RCC1: variants seen among roughly 807,000 people sequenced by gnomAD.
The protein encoded by RCC1 is regulator of chromosome condensation 1, also known as regulator of chromosome condensation.
RCC1 carries 11 observed loss-of-function variants against 44.4 expected under a neutral mutation model. That is an observed-to-expected ratio of 0.25 (90% CI 0.16 to 0.41). The LOEUF is 0.41. RCC1 is among the 10% of genes least tolerant of loss of function. The probability of loss-of-function intolerance (pLI) is 1.00; values close to 1 mark genes in which losing one functional copy is unlikely to be tolerated. For missense variants in RCC1, 386 were observed against 547.1 expected (o/e 0.71, Z 2.94); for synonymous variants, 213 against 216.5 (o/e 0.98, Z 0.14).
intron 4 of RCC1, among the ~76,000 whole-genome samples, chr1:28,529,395 G>A (rs913040467): frequency 2.0e-5 from 3 of 152,046 alleles, no homozygotes; most frequent in African/African-American, 7.2e-5. Flanking sequence ...TGTTGGCCAG[G>A]CTGGTTTGGA....
intron 3 of RCC1, among the ~76,000 whole-genome samples, chr1:28,515,317 G>A (rs941506296): frequency 3.9e-5 from 6 of 151,948 alleles, no homozygotes; most frequent in Non-Finnish European, 8.8e-5. Flanking sequence ...GGGCATGGTG[G>A]TGCACATCTG....
At chr1:28,524,338 T>G (rs1045403032) in intron 4 of RCC1, among the ~76,000 whole-genome samples, 31 of 152,224 alleles carry the variant, frequency 2.0e-4, no homozygotes, top group Middle Eastern at 3.2e-3. Context: ...GTCTTTGTGT[T>G]TGGCCAAGCT....
rs1296971501 is a variant in RCC1, at chr1:28,511,890, C to A, written c.-153+2985C>A. On this transcript the variant is annotated intron_variant, in intron 3 of 12. Transcript: ENST00000683442. Reference sequence around the variant, plus strand: ...TGTTAGCCAGGCTGGTCTCGAACTCCTGACCTCAAGTGATCCACCTGCCTC... The same window carrying A: ...TGTTAGCCAGGCTGGTCTCGAACTCATGACCTCAAGTGATCCACCTGCCTC... Among the ~76,000 whole-genome samples, 47 of 151,896 alleles carry A rather than the reference C, an allele frequency of 3.1e-4. 1 individual carries two copies. Among genetic ancestry groups the A allele is most frequent in the Admixed American group, 3.1e-3 (47 of 15,228 alleles).
At chr1:28,525,848 C>T (rs576565021) in intron 4 of RCC1, among the ~76,000 whole-genome samples, 8 of 152,228 alleles carry the variant, frequency 5.3e-5, no homozygotes, top group African/African-American at 1.2e-4. Context: ...GCGAGGTTCT[C>T]GGGAACCACT....
intron 4 of RCC1, among the ~76,000 whole-genome samples, chr1:28,520,104 C>G (rs1463223099): frequency 6.6e-6 from 1 of 152,174 alleles, no homozygotes; most frequent in Non-Finnish European, 1.5e-5. Flanking sequence ...ACGGGGATCC[C>G]AGGTGAGAAA....
At chr1:28,516,902 G>T (rs1662928552) in intron 4 of RCC1, 35 bp downstream of exon 4, 1 of 455,780 alleles carries the variant, frequency 2.2e-6, no homozygotes, top group Non-Finnish European at 4.4e-6. Flanking sequence ...GTGCTTTGTG[G>T]CAGGCTCTGC....
intron 4 of RCC1, among the ~76,000 whole-genome samples, chr1:28,520,727 T>G (rs1414521427): frequency 6.6e-6 from 1 of 152,004 alleles, no homozygotes; most frequent in Non-Finnish European, 1.5e-5. Context: ...TGGGGAAGCA[T>G]GATGCCAAAA....
chr1:28,532,739 G>T (rs185002974), intron 7 of RCC1: 1 of 469,228 alleles, frequency 2.1e-6, no homozygotes, highest in African/African-American at 2.0e-5. Flanking sequence ...AGGGATTGTC[G>T]CATCTCAGAG....
chr1:28,536,827 C>G lies in RCC1; in HGVS notation c.1018C>G (p.Leu340Val). Residue 340 changes from leucine to valine, a missense_variant, in exon 12 of 13, where the codon CTC (leucine) becomes GTC (valine). Leu to Val is a conservative substitution (Grantham distance 32, BLOSUM62 1). Coordinates refer to ENST00000683442, the MANE Select transcript of RCC1 (RefSeq NM_001381865.2). This position sits in a 1 kb window ranked among gnomAD's most constrained non-coding sequence, Gnocchi z 4.9. ...EGAEEKSIPTLISRLPAVSSV... is the reference protein window; with the variant it reads ...EGAEEKSIPTVISRLPAVSSV... Reference sequence around the variant, plus strand: ...TGCTGAGGAGAAGAGCATACCCACCCTCATCTCCAGGCTGCCTGCTGTCTC... The same window carrying G: ...TGCTGAGGAGAAGAGCATACCCACCGTCATCTCCAGGCTGCCTGCTGTCTC... 1.9e-6 allele frequency: 3 copies of G among 1,614,128 alleles called. No individual in the cohort carries two copies. The highest frequency in any genetic ancestry group is 2.5e-6 in the Non-Finnish European group (3 of 1,180,024).
chr1:28,506,130 G>T (rs1014470331), intron 1 of RCC1, 46 bp downstream of exon 1: 1 of 454,750 alleles, frequency 2.2e-6, no homozygotes. Context: ...TGCCACCGGA[G>T]TTGTGGGTCT....
chr1:28,525,776 G>T (rs1188029992), intron 4 of RCC1, among the ~76,000 whole-genome samples: 3 of 152,136 alleles, frequency 2.0e-5, no homozygotes, highest in Non-Finnish European at 4.4e-5. Context: ...CCTTCCCCAG[G>T]ATAATCAGCA....
At chr1:28,531,250 C>CTTTCT (rs1328022854) in intron 5 of RCC1, among the ~76,000 whole-genome samples, 1 of 138,992 alleles carries the variant, frequency 7.2e-6, no homozygotes, top group African/African-American at 2.7e-5. Flanking sequence ...CAATAATTAG[C>CTTTCT]TTTCTTTTCT....
At chr1:28,534,417 G>T (rs369507565) in intron 7 of RCC1, among the ~76,000 whole-genome samples, 2 of 151,948 alleles carry the variant, frequency 1.3e-5, no homozygotes, top group Non-Finnish European at 2.9e-5. Flanking sequence ...TCCTGACCTC[G>T]TGATCGCCCG....
Position 28,536,520 on chromosome 1 carries a change from C to G in RCC1, c.937+139C>G. The G allele has an allele frequency of 1.6e-6, 2 of 1,213,956 alleles. No individual in the cohort carries two copies. Among genetic ancestry groups the G allele is most frequent in the East Asian group, 2.3e-5 (1 of 42,702 alleles). 75.2% of individuals were successfully genotyped at this position (1,213,956 alleles called of 1,614,324 possible). On this transcript the variant is annotated intron_variant, in intron 11 of 12. Transcript: ENST00000683442. This position sits in a 1 kb window ranked among gnomAD's most constrained non-coding sequence, Gnocchi z 4.9. ...CATACATGGGTCCATGAGAGTCACTCTCATCCTCCTAGAGTCCTGGTGTTC... is the reference window on the plus strand; with the variant it reads ...CATACATGGGTCCATGAGAGTCACTGTCATCCTCCTAGAGTCCTGGTGTTC...
At chr1:28,528,285 G>C (rs777307942) in intron 4 of RCC1, among the ~76,000 whole-genome samples, 4 of 151,866 alleles carry the variant, frequency 2.6e-5, no homozygotes, top group Admixed American at 6.6e-5. Context: ...GTGAAACCTC[G>C]TCTCTACTAA....
intron 5 of RCC1, among the ~76,000 whole-genome samples, chr1:28,531,206 G>A (rs1205763542): frequency 1.3e-5 from 2 of 150,784 alleles, no homozygotes; most frequent in East Asian, 2.0e-4. Context: ...CCAGACTGGC[G>A]ACAAAGGGAG....
At chr1:28,517,945 G>A (rs948854020) in intron 4 of RCC1, among the ~76,000 whole-genome samples, 2 of 152,152 alleles carry the variant, frequency 1.3e-5, no homozygotes, top group African/African-American at 4.8e-5. Context: ...TGAGGGTAGG[G>A]AAGATGAGTA....
chr1:28,527,226 G>C, intron 4 of RCC1: 2 of 785,082 alleles, frequency 2.5e-6, no homozygotes, highest in Non-Finnish European at 4.4e-6. Context: ...CAGCAGCCGC[G>C]ATCTTCAGTG....
At chr1:28,520,381 C>T (rs998330207) in intron 4 of RCC1, among the ~76,000 whole-genome samples, 6 of 152,162 alleles carry the variant, frequency 3.9e-5, no homozygotes, top group South Asian at 2.1e-4. Context: ...CACCAGGCTC[C>T]GGGCAGACTG....
Sources: allele counts gnomAD v4.1 joint callset (sites outside exome capture counted in the v4.1 genomes callset), GRCh38; gene constraint gnomAD v4.1.1; non-coding constraint Gnocchi (gnomAD v3.1); transcripts MANE v1.5; gene names NCBI Gene and HGNC (gene_info 2026-07-23, HGNC 2026-07-21).